The following GLIS3 variants were observed in gnomAD, a reference collection of about 807,000 sequenced individuals.
GLIS3 encodes zinc finger protein GLIS3.
In GLIS3, 53 loss-of-function variants were observed where a neutral mutation model predicts 78.6. The ratio of observed to expected loss-of-function variants is 0.67; its 90% CI spans 0.54 to 0.85. The LOEUF is 0.85. Among genes scored for constraint, GLIS3 ranks in the 40% least tolerant of loss-of-function variants. GLIS3 has a pLI of 0.00. For synonymous variants in GLIS3, 684 were observed against 509.9 expected (o/e 1.34, Z -4.60); for missense variants, 1,703 against 1,231.1 (o/e 1.38, Z -5.74).
chr9:3,922,283 G>T (rs2130735163), intron 6 of GLIS3, among the ~76,000 whole-genome samples: 1 of 151,978 alleles, frequency 6.6e-6, no homozygotes, highest in East Asian at 1.9e-4. Flanking sequence ...AATCAAAACA[G>T]AGGGACCCAT....
At chr9:4,355,218 T>C in the GLIS3 span, among the ~76,000 whole-genome samples, 1 of 150,700 alleles carries the variant, frequency 6.6e-6, no homozygotes, top group African/African-American at 2.4e-5. Flanking sequence ...GGATTTGGAG[T>C]TGGGCACATC....
intron 9 of GLIS3, among the ~76,000 whole-genome samples, chr9:3,833,654 G>A (rs913888432): frequency 6.6e-6 from 1 of 152,192 alleles, no homozygotes; most frequent in Non-Finnish European, 1.5e-5. Context: ...TGTCTTTGAG[G>A]ATTGATAACA....
chr9:4,076,943 T>C (rs955303186), intron 4 of GLIS3, among the ~76,000 whole-genome samples: 7 of 152,056 alleles, frequency 4.6e-5, no homozygotes, highest in African/African-American at 1.7e-4. Context: ...CCTGTAGTCC[T>C]AGCTACTTGG....
At chr9:3,936,461 G>A (rs1443424525) in intron 5 of GLIS3, among the ~76,000 whole-genome samples, 1 of 152,114 alleles carries the variant, frequency 6.6e-6, no homozygotes, top group Non-Finnish European at 1.5e-5. Context: ...GGAAGCATGA[G>A]GAAAGTGAAC....
chr9:4,378,588 T>C, the GLIS3 span, among the ~76,000 whole-genome samples: 2 of 152,194 alleles, frequency 1.3e-5, no homozygotes, highest in Admixed American at 6.5e-5. Flanking sequence ...TCCTACAAAA[T>C]AGGTACAATA....
chr9:4,167,771 C>A (rs922116460), intron 2 of GLIS3, among the ~76,000 whole-genome samples: 1 of 152,188 alleles, frequency 6.6e-6, no homozygotes, highest in African/African-American at 2.4e-5. Flanking sequence ...TTCTGCAAAT[C>A]CAACAGTAAT....
intron 2 of GLIS3, among the ~76,000 whole-genome samples, chr9:4,132,040 A>G (rs1404074594): frequency 6.6e-6 from 1 of 150,898 alleles, no homozygotes; most frequent in African/African-American, 2.4e-5. Flanking sequence ...TCTACGGCCA[A>G]TGTTTTTTTT....
At chr9:4,158,582 A>C (rs896182294) in intron 2 of GLIS3, among the ~76,000 whole-genome samples, 1 of 152,140 alleles carries the variant, frequency 6.6e-6, no homozygotes, top group Non-Finnish European at 1.5e-5. Flanking sequence ...ACTTTTCCTC[A>C]TTTTCCTATA....
intron 2 of GLIS3, among the ~76,000 whole-genome samples, chr9:4,310,847 G>A (rs879746899): frequency 6.6e-6 from 1 of 152,130 alleles, no homozygotes; most frequent in Non-Finnish European, 1.5e-5. Flanking sequence ...AAATGGGGGT[G>A]GTGATGTTGA....
chr9:4,122,603 C>G (rs1832273362), intron 3 of GLIS3, among the ~76,000 whole-genome samples: 1 of 152,176 alleles, frequency 6.6e-6, no homozygotes, highest in Admixed American at 6.6e-5. Flanking sequence ...CTTGGACTTT[C>G]TGTGTCCTGG....
At chr9:4,450,197 G>T in the GLIS3 span, among the ~76,000 whole-genome samples, 2 of 152,222 alleles carry the variant, frequency 1.3e-5, no homozygotes, top group East Asian at 1.9e-4. Context: ...ACTATGTGAT[G>T]CATACACAAA....
At chr9:4,261,008 T>A (rs1019645600) in intron 2 of GLIS3, among the ~76,000 whole-genome samples, 2 of 152,212 alleles carry the variant, frequency 1.3e-5, no homozygotes, top group African/African-American at 4.8e-5. Context: ...GTAATTATAT[T>A]TCTACAGGTC....
At chr9:4,209,812 C>A (rs1379484467) in intron 2 of GLIS3, among the ~76,000 whole-genome samples, 3 of 73,820 alleles carry the variant, frequency 4.1e-5, no homozygotes, top group African/African-American at 2.3e-4. Flanking sequence ...CAGTAGCATT[C>A]CCGCCCCCCC....
chr9:4,447,857 T>C, the GLIS3 span, among the ~76,000 whole-genome samples: 1 of 152,248 alleles, frequency 6.6e-6, no homozygotes, highest in African/African-American at 2.4e-5. Context: ...TTCTGGTCAT[T>C]CTTTTTCTGG....
chr9:4,454,556 G>A, the GLIS3 span, among the ~76,000 whole-genome samples: 1 of 152,200 alleles, frequency 6.6e-6, no homozygotes, highest in African/African-American at 2.4e-5. Flanking sequence ...TAGTATGCGA[G>A]GGAGGATGAA....
At chr9:3,948,413 C>T (rs930471297) in intron 4 of GLIS3, among the ~76,000 whole-genome samples, 1 of 152,176 alleles carries the variant, frequency 6.6e-6, no homozygotes, top group Non-Finnish European at 1.5e-5. Context: ...CTCTTTCCAT[C>T]GATGACCTTT....
intron 4 of GLIS3, among the ~76,000 whole-genome samples, chr9:4,016,578 A>C (rs949081844): frequency 4.0e-5 from 6 of 151,778 alleles, no homozygotes; most frequent in Non-Finnish European, 5.9e-5. Context: ...AAACAATGCA[A>C]CTCCTCTGCC....
At chr9:4,136,695 G>A (rs1001900228) in intron 2 of GLIS3, among the ~76,000 whole-genome samples, 1 of 152,128 alleles carries the variant, frequency 6.6e-6, no homozygotes, top group Non-Finnish European at 1.5e-5. Context: ...ACACAGAAAC[G>A]AAAGGGAGGA....
the GLIS3 span, among the ~76,000 whole-genome samples, chr9:4,367,799 T>A: frequency 1.3e-4 from 20 of 152,272 alleles, no homozygotes; most frequent in Admixed American, 2.0e-4. Flanking sequence ...AAGAGACATT[T>A]ATTATATGCC....
Sources: gnomAD v4.1 joint callset for allele counts (sites outside exome capture counted in the v4.1 genomes callset) on GRCh38, gnomAD v4.1.1 for gene constraint, MANE v1.5 for transcripts, NCBI Gene and HGNC (gene_info 2026-07-23, HGNC 2026-07-21) for gene names.